The following SLAIN2 variants were observed in gnomAD, a reference collection of about 807,000 sequenced individuals.
The protein encoded by SLAIN2 is SLAIN family member 2.
A neutral mutation model predicts 56.6 loss-of-function variants in SLAIN2; 31 were observed. The observed-to-expected ratio is 0.55, with a 90% CI of 0.41 to 0.74. The LOEUF is 0.74. Among genes scored for constraint, SLAIN2 ranks in the 30% least tolerant of loss-of-function variants. SLAIN2 has a pLI of 0.00. For missense variants in SLAIN2, 777 were observed against 754.2 expected (o/e 1.03, Z -0.35); for synonymous variants, 317 against 284.9 (o/e 1.11, Z -1.13).
At chr4:48,407,699 CCTCA>C (rs1424555790) in intron 6 of SLAIN2, among the ~76,000 whole-genome samples, 22 of 151,180 alleles carry the variant, frequency 1.5e-4, no homozygotes, top group African/African-American at 5.3e-4. Flanking sequence ...TCCTTTATTC[CCTCA>C]CTCCACTTTC....
At chr4:48,361,895 T>A (rs1368493472) in intron 1 of SLAIN2, among the ~76,000 whole-genome samples, 1 of 152,232 alleles carries the variant, frequency 6.6e-6, no homozygotes, top group Non-Finnish European at 1.5e-5. Flanking sequence ...GTGTTAAATT[T>A]ATTCCTGAGT....
At chr4:48,357,850 C>T (rs1205564528) in intron 1 of SLAIN2, among the ~76,000 whole-genome samples, 7 of 152,018 alleles carry the variant, frequency 4.6e-5, no homozygotes, top group African/African-American at 1.4e-4. Context: ...CCACCGCACC[C>T]GGCCCCACTG....
intron 6 of SLAIN2, among the ~76,000 whole-genome samples, chr4:48,398,630 T>A (rs779290489): frequency 1.3e-4 from 20 of 152,198 alleles, no homozygotes; most frequent in Non-Finnish European, 2.6e-4. Context: ...TAGTTTGGGG[T>A]TTTACATTAA....
chr4:48,368,768 G>T (rs1457633582), intron 1 of SLAIN2, among the ~76,000 whole-genome samples: 2 of 152,104 alleles, frequency 1.3e-5, no homozygotes, highest in Middle Eastern at 3.2e-3. Flanking sequence ...GTAGACTAAA[G>T]AAATGGTCAT....
At chr4:48,418,920 G>T (rs1339189899) in intron 6 of SLAIN2, among the ~76,000 whole-genome samples, 1 of 152,020 alleles carries the variant, frequency 6.6e-6, no homozygotes, top group Non-Finnish European at 1.5e-5. Context: ...CAAAATTTTT[G>T]ATATTCATCT....
intron 6 of SLAIN2, among the ~76,000 whole-genome samples, chr4:48,412,416 ATT>A (rs1469296109): frequency 1.4e-3 from 35 of 25,342 alleles, no homozygotes; most frequent in South Asian, 7.7e-3. Flanking sequence ...ACACACACAC[ATT>A]CCCTCTCTCT....
rs976465986 is a variant in SLAIN2 at position 48,383,923 on chromosome 4, A to T, written c.1360+139A>T. On this transcript the variant is annotated intron_variant, in intron 6 of 7. Transcript: ENST00000264313. ...ATAGCTATAGTAAAATTTAGTGTTT[A>T]TTAGTTGCTGGATGATAATCAAAGT... is the stretch of plus-strand genomic sequence containing the variant. 5 of 854,836 alleles carry T rather than the reference A, an allele frequency of 5.8e-6. No homozygotes were observed. The African/African-American group carries it at 8.5e-5, about 15-fold the overall frequency. 53.0% of individuals were successfully genotyped at this position (854,836 alleles called of 1,614,324 possible). A position where few individuals can be genotyped will look rare whatever the true frequency, so the allele number is the denominator to read the frequency against.
chr4:48,346,474 T>TTAG, intron 1 of SLAIN2, among the ~76,000 whole-genome samples: 2 of 152,334 alleles, frequency 1.3e-5, no homozygotes, highest in East Asian at 3.9e-4. Flanking sequence ...ATGTCCCAAT[T>TTAG]CAGAGCTAGG....
intron 2 of SLAIN2, among the ~76,000 whole-genome samples, chr4:48,375,554 A>G (rs1577720621): frequency 6.6e-6 from 1 of 151,992 alleles, no homozygotes; most frequent in South Asian, 2.1e-4. Flanking sequence ...CTTATTAAAC[A>G]TCAAGATTTC....
In SLAIN2 at chr4:48,369,990, T is replaced by A; in HGVS notation, c.531T>A (p.Thr177=). 3 of 1,612,632 alleles carry A rather than the reference T, an allele frequency of 1.9e-6. No homozygotes were observed. The highest frequency in any genetic ancestry group is 2.5e-6 in the Non-Finnish European group (3 of 1,179,292). The change falls in exon 2 of 8, where the codon ACT becomes ACA. Residue 177 remains threonine, a synonymous_variant. Transcript: ENST00000264313. ...KKSLIHKLDQ[T]MSALKRQNLY... ...CTCTTATCCACAAACTTGATCAAAC[T>A]ATGTCAGGTATGTCTATAATTTTGC...
rs749977797 is a variant in SLAIN2 at position 48,382,736 on chromosome 4, C to T, written c.1031C>T (p.Pro344Leu). 3 of 1,613,612 alleles carry T rather than the reference C, an allele frequency of 1.9e-6. No homozygotes were observed. The highest frequency in any genetic ancestry group is 2.2e-5 in the East Asian group (1 of 44,850). ...AVYPAVNRFS[P>L]SPRNSPRPSP... Reference sequence around the variant, plus strand: ...TACCCTGCTGTTAACAGGTTTTCACCATCACCACGCAATTCACCTCGACCG... The same window carrying T: ...TACCCTGCTGTTAACAGGTTTTCACTATCACCACGCAATTCACCTCGACCG... The change falls in exon 5 of 8, where the codon CCA becomes CTA. Residue 344 changes from proline (P) to leucine (L), a missense_variant. Pro to Leu is a moderately conservative substitution (Grantham distance 98). Transcript: ENST00000264313.
chr4:48,354,337 AT>A (rs1431602794), intron 1 of SLAIN2, among the ~76,000 whole-genome samples: 8 of 152,200 alleles, frequency 5.3e-5, no homozygotes, highest in Non-Finnish European at 1.2e-4. Context: ...TGTAAGTGAT[AT>A]AGAAAAAACT....
chr4:48,397,833 A>G (rs547835193), intron 6 of SLAIN2, among the ~76,000 whole-genome samples: 2 of 152,004 alleles, frequency 1.3e-5, no homozygotes, highest in Admixed American at 1.3e-4. Context: ...AAGGACATGA[A>G]CTCTTTCTTT....
At chr4:48,377,468 C>T (rs1000700103) in intron 2 of SLAIN2, among the ~76,000 whole-genome samples, 3 of 151,772 alleles carry the variant, frequency 2.0e-5, no homozygotes, top group East Asian at 1.9e-4. Flanking sequence ...CATGAGCCAC[C>T]GTGCCTGGCC....
chr4:48,356,160 T>C (rs1201825591), intron 1 of SLAIN2, among the ~76,000 whole-genome samples: 2 of 152,216 alleles, frequency 1.3e-5, no homozygotes, highest in East Asian at 1.9e-4. Flanking sequence ...TTGCTGAAAA[T>C]ATGACGTTTT....
intron 6 of SLAIN2, among the ~76,000 whole-genome samples, chr4:48,390,770 T>G (rs946077588): frequency 1.3e-5 from 2 of 152,234 alleles, no homozygotes; most frequent in Non-Finnish European, 2.9e-5. Flanking sequence ...TTTGAAAACT[T>G]ATCAATAGCT....
rs910725770 is a variant in SLAIN2, at chr4:48,425,214, A to T, written c.*3137A>T. 6.6e-6 allele frequency: 1 copy of T among 152,062 alleles called. No individual in the cohort carries two copies. 9.4% of individuals were successfully genotyped at this position (152,062 alleles called of 1,614,324 possible). A position where few individuals can be genotyped will look rare whatever the true frequency, so the allele number is the denominator to read the frequency against. On this transcript the variant is annotated 3_prime_UTR_variant, in exon 8 of 8. Coordinates refer to ENST00000264313, the MANE Select transcript of SLAIN2 (RefSeq NM_020846.2). The stretch of plus-strand genomic sequence containing the variant: ...ATATTTTCTCTGTCAGAGTTATTTC[A>T]TATATGGATTTTACTTGAAGGAAAT...
intron 1 of SLAIN2, among the ~76,000 whole-genome samples, chr4:48,344,405 A>G (rs1168313275): frequency 1.3e-5 from 2 of 152,176 alleles, no homozygotes; most frequent in Non-Finnish European, 2.9e-5. Context: ...CATCTAGAGG[A>G]ATGTTTCCTC....
In SLAIN2 at chr4:48,371,561, G is replaced by T. The variant is rs542552519; in HGVS notation, c.538+1564G>T. Among the ~76,000 whole-genome samples, 7 of 152,190 alleles carry T rather than the reference G, an allele frequency of 4.6e-5. No homozygotes were observed. In the South Asian group the frequency reaches 1.5e-3, roughly 32 times the overall value. Reference sequence around the variant, plus strand: ...CTGGACATTTTCTGACCAATTTCTGGCATTAATGTACTTAATGCCACAGAA... The same window carrying T: ...CTGGACATTTTCTGACCAATTTCTGTCATTAATGTACTTAATGCCACAGAA... On this transcript the variant is annotated intron_variant, in intron 2 of 7. Coordinates refer to ENST00000264313, the MANE Select transcript of SLAIN2 (RefSeq NM_020846.2).
Sources: gnomAD v4.1 joint callset for allele counts (sites outside exome capture counted in the v4.1 genomes callset) on GRCh38, gnomAD v4.1.1 for gene constraint, MANE v1.5 for transcripts, NCBI Gene and HGNC (gene_info 2026-07-23, HGNC 2026-07-21) for gene names.